The following SNRPN variants were observed in gnomAD, a reference collection of about 807,000 sequenced individuals.
SNRPN encodes small nuclear ribonucleoprotein polypeptide N.
Under a neutral mutation model 25.2 loss-of-function variants are expected in SNRPN, and 7 were observed. The ratio of observed to expected loss-of-function variants is 0.28; its 90% CI spans 0.16 to 0.52. The LOEUF is 0.52. SNRPN is among the 20% of genes least tolerant of loss of function. The pLI is 0.96. For missense variants in SNRPN, 196 were observed against 322.5 expected (o/e 0.61, Z 3.00); for synonymous variants, 124 against 110.6 (o/e 1.12, Z -0.76).
rs191468449 is a variant in SNRPN at position 24,850,584 on chromosome 15, G to A, written c.-579+20679G>A. The A allele has an allele frequency of 4.6e-5, 7 of 152,386 alleles. No individual in the cohort carries two copies. The East Asian group carries it at 1.3e-3, about 29-fold the overall frequency. The allele number at this position is 152,386 out of a possible 1,614,324, so 9.4% of individuals were successfully genotyped here. On this transcript the variant is annotated intron_variant, in intron 2 of 12. Transcript: ENST00000400100. ...CCCGCCTTGGCCTCCCAATGTACTG[G>A]AATTACAGGCGTGAGCCACTGCACC...
At chr15:24,872,352 A>C (rs1292106943) in intron 1 of SNRPN, among the ~76,000 whole-genome samples, 1 of 117,268 alleles carries the variant, frequency 8.5e-6, no homozygotes, top group African/African-American at 2.9e-5. Flanking sequence ...TTTTTAGTAG[A>C]GACAGGGTTT....
intron 2 of SNRPN, among the ~76,000 whole-genome samples, chr15:24,896,160 T>C (rs149136730): frequency 6.6e-6 from 1 of 152,154 alleles, no homozygotes; most frequent in Non-Finnish European, 1.5e-5. Flanking sequence ...AAGCATGAAA[T>C]TACCAGCTGG....
intron 2 of SNRPN, chr15:24,848,268 G>A (rs1246395515): frequency 2.1e-5 from 3 of 142,118 alleles, no homozygotes; most frequent in Admixed American, 7.0e-5. Context: ...GGGCGGGGGC[G>A]GGGGCAGATC....
chr15:24,961,693 ATATAAG>A (rs1219801240), intron 1 of SNRPN, among the ~76,000 whole-genome samples: 9 of 152,204 alleles, frequency 5.9e-5, no homozygotes, highest in Admixed American at 5.2e-4. Flanking sequence ...CTATTCCACT[ATATAAG>A]TATGTCTACT....
At chr15:24,851,978 TTTTACA>T (rs1247908731), upstream of SNRPN, 8 of 152,220 alleles carry the variant, frequency 5.3e-5, no homozygotes, top group Admixed American at 4.6e-4. Flanking sequence ...CACATATGAC[TTTTACA>T]TTATATCATA....
chr15:24,964,128 A>T (rs1196194945), intron 2 of SNRPN, among the ~76,000 whole-genome samples: 1 of 151,554 alleles, frequency 6.6e-6, no homozygotes, highest in Non-Finnish European at 1.5e-5. Context: ...TATTTTGCCG[A>T]TTTTTACTAT....
chr15:24,886,339 G>GA (rs2057205967), intron 1 of SNRPN, among the ~76,000 whole-genome samples: 1 of 152,044 alleles, frequency 6.6e-6, no homozygotes, highest in African/African-American at 2.4e-5. Flanking sequence ...CTGTTCCTTG[G>GA]CTATAAATTG....
chr15:24,961,178 A>AATGTTTAG (rs2074742689), intron 1 of SNRPN, among the ~76,000 whole-genome samples: 1 of 152,212 alleles, frequency 6.6e-6, no homozygotes, highest in Non-Finnish European at 1.5e-5. Flanking sequence ...ATCAGTGTAT[A>AATGTTTAG]AAATTTTACC....
intron 3 of SNRPN, among the ~76,000 whole-genome samples, chr15:24,973,619 C>T (rs781718315): frequency 6.6e-6 from 1 of 151,704 alleles, no homozygotes; most frequent in Non-Finnish European, 1.5e-5. Context: ...AGGCTGGTCT[C>T]GAACTCTTGA....
rs142273604 is a variant in SNRPN, at chr15:24,826,247, C to T, written c.-687+2397C>T. ...TGATTACTGTCTCCCACTGTTAACA[C>T]TGTACTTGGAGGTCTTGATGGAATT... On this transcript the variant is annotated intron_variant, in intron 1 of 12. Transcript: ENST00000400100. Among the ~76,000 whole-genome samples the T allele has an allele frequency of 2.6e-5, 4 of 152,186 alleles. No individual in the cohort carries two copies. In the East Asian group the frequency reaches 7.7e-4, roughly 29 times the overall value.
chr15:24,886,885 T>C (rs1441213204), intron 2 of SNRPN, among the ~76,000 whole-genome samples: 4 of 151,684 alleles, frequency 2.6e-5, no homozygotes, highest in African/African-American at 9.7e-5. Flanking sequence ...CTTCACATGT[T>C]AGATATGAAC....
intron 2 of SNRPN, among the ~76,000 whole-genome samples, chr15:24,843,718 C>T (rs887148871): frequency 6.6e-6 from 1 of 151,646 alleles, no homozygotes; most frequent in Non-Finnish European, 1.5e-5. Context: ...ACCCACGAGG[C>T]AGAGGTTGCA....
chr15:24,925,823 G>C (rs1163707021), intron 3 of SNRPN, among the ~76,000 whole-genome samples: 4 of 151,696 alleles, frequency 2.6e-5, no homozygotes, highest in Non-Finnish European at 5.9e-5. Context: ...CTCACTGCAA[G>C]CTCTGCCTCC....
At chr15:24,848,213 G>GGGGGGCGGGGTCGGCGGC (rs2052384857) in intron 2 of SNRPN, 1 of 110,888 alleles carries the variant, frequency 9.0e-6, no homozygotes, top group Non-Finnish European at 2.1e-5. Context: ...GGACGGAGCT[G>GGGGGGCGGGGTCGGCGGC]GGGGGCGGGG....
chr15:24,901,482 A>T (rs577819261), intron 2 of SNRPN, among the ~76,000 whole-genome samples: 2 of 152,338 alleles, frequency 1.3e-5, no homozygotes, highest in African/African-American at 4.8e-5. Flanking sequence ...TTGCAGAGTG[A>T]TACCACACGG....
chr15:24,896,712 TA>T (rs111680479), intron 2 of SNRPN, among the ~76,000 whole-genome samples: 22 of 147,502 alleles, frequency 1.5e-4, no homozygotes, highest in South Asian at 4.3e-4. Flanking sequence ...AGACTCCGTC[TA>T]AAAAAAAAAT....
chr15:24,912,787 C>G (rs1291826395), intron 2 of SNRPN, among the ~76,000 whole-genome samples: 2 of 152,164 alleles, frequency 1.3e-5, no homozygotes, highest in Non-Finnish European at 2.9e-5. Context: ...ATAGTCATGG[C>G]TCCTCCACAG....
rs1395431189 is a variant in SNRPN at position 24,955,173 on chromosome 15, G to A, written c.-391+111G>A. ...GGAGTACTGAATAAACGGAATTTGG[G>A]CCCTAAAGTCCTTTGTTCTGGAGAA... On this transcript the variant is annotated intron_variant, in intron 1 of 9. Coordinates refer to ENST00000390687, the MANE Select transcript of SNRPN (RefSeq NM_003097.6). 3.5e-6 allele frequency: 5 copies of A among 1,440,668 alleles called. No individual in the cohort carries two copies. In the East Asian group the frequency reaches 9.4e-5, roughly 27 times the overall value. The allele number at this position is 1,440,668 out of a possible 1,614,324, so 89.2% of individuals were successfully genotyped here.
intron 2 of SNRPN, among the ~76,000 whole-genome samples, chr15:24,845,197 T>C (rs2052076713): frequency 6.6e-6 from 1 of 152,240 alleles, no homozygotes; most frequent in Non-Finnish European, 1.5e-5. Context: ...TATATGAATA[T>C]GCATATGCTA....
Sources: gnomAD v4.1 joint callset for allele counts (sites outside exome capture counted in the v4.1 genomes callset) on GRCh38, gnomAD v4.1.1 for gene constraint, MANE v1.5 for transcripts, NCBI Gene and HGNC (gene_info 2026-07-23, HGNC 2026-07-21) for gene names.